The following LDAF1 variants were observed in gnomAD, a reference collection of about 807,000 sequenced individuals.
LDAF1 encodes the protein PROMETHIN.
A neutral mutation model predicts 13.5 loss-of-function variants in LDAF1; 7 were observed. That is an observed-to-expected ratio of 0.52 (90% CI 0.29 to 0.97). The LOEUF is 0.97. LDAF1 is among the 50% of genes least tolerant of loss of function. The probability of loss-of-function intolerance (pLI) is 0.07; values close to 1 mark genes in which losing one functional copy is unlikely to be tolerated. For synonymous variants in LDAF1, 69 were observed against 77.1 expected, an observed-to-expected ratio of 0.89 and a Z score of 0.55; for missense variants, 148 against 193.2, an observed-to-expected ratio of 0.77 and a Z score of 1.39.
chr16:21,178,410 A>C, intron 4 of LDAF1: 2 of 984,958 alleles, frequency 2.0e-6, no homozygotes, highest in Non-Finnish European at 2.4e-6. Context: ...ATCAGGGAGG[A>C]ATGGTTTAGG....
At chr16:21,169,769 T>G (rs1442997635) in intron 2 of LDAF1, among the ~76,000 whole-genome samples, 3 of 152,124 alleles carry the variant, frequency 2.0e-5, no homozygotes, top group Non-Finnish European at 4.4e-5. Flanking sequence ...CTCAAGAGTG[T>G]GTTTGGCAGG....
At chr16:21,167,364 T>C (rs1447132692) in intron 2 of LDAF1, among the ~76,000 whole-genome samples, 1 of 152,240 alleles carries the variant, frequency 6.6e-6, no homozygotes, top group African/African-American at 2.4e-5. Context: ...AAGGAGGTTC[T>C]GGAATAATGG....
At chr16:21,174,388 G>T (rs2093120986) in intron 4 of LDAF1, among the ~76,000 whole-genome samples, 1 of 151,186 alleles carries the variant, frequency 6.6e-6, no homozygotes, top group East Asian at 1.9e-4. Context: ...GTAGAGACAG[G>T]GTCTTGCTAT....
At chr16:21,169,747 C>A (rs567134268) in intron 2 of LDAF1, among the ~76,000 whole-genome samples, 1 of 152,054 alleles carries the variant, frequency 6.6e-6, no homozygotes, top group Non-Finnish European at 1.5e-5. Flanking sequence ...ACCTTTATGC[C>A]GAAGAGGTCT....
chr16:21,178,400 A>T, intron 4 of LDAF1: 1 of 985,196 alleles, frequency 1.0e-6, no homozygotes, highest in Non-Finnish European at 1.2e-6. Flanking sequence ...GTTTTTTGTT[A>T]TCAGGGAGGA....
At chr16:21,162,664 TTCTGGACTTGCTCCA>T (rs1328548011) in intron 2 of LDAF1, among the ~76,000 whole-genome samples, 2 of 152,218 alleles carry the variant, frequency 1.3e-5, no homozygotes, top group African/African-American at 4.8e-5. Flanking sequence ...CAACAATAAA[TTCTGGACTTGCTCCA>T]GAATTTATTT....
At position 21,161,150 on chromosome 16, in the gene LDAF1, T is replaced by C. The variant is rs373698888; in HGVS notation, c.-33T>C. 416 of 1,610,180 alleles carry C rather than the reference T, an allele frequency of 2.6e-4. 5 individuals carry two copies. The highest frequency in any genetic ancestry group is 2.5e-3 in the South Asian group (224 of 90,296). ...ACTGGAGAATTTACTGGTAGGATAA[T>C]TCATCCCTAAAGAGATTGAAGTGAG... On this transcript the variant is annotated 5_prime_UTR_variant, in exon 2 of 5. Transcript: ENST00000233047.
chr16:21,160,229 A>T (rs2092954381), intron 1 of LDAF1, among the ~76,000 whole-genome samples: 1 of 152,018 alleles, frequency 6.6e-6, no homozygotes, highest in South Asian at 2.1e-4. Flanking sequence ...CTCTGTGTCC[A>T]GCCAGTTCTG....
At chr16:21,159,224 G>A in intron 1 of LDAF1, 1 of 1,060,972 alleles carries the variant, frequency 9.4e-7, no homozygotes, top group African/African-American at 1.5e-5. Context: ...AGTATCAAAG[G>A]GGGCTTCTTT....
At chr16:21,159,569 G>T in intron 1 of LDAF1, 1 of 907,620 alleles carries the variant, frequency 1.1e-6, no homozygotes, top group Non-Finnish European at 1.7e-6. Context: ...GGGTTAGCTG[G>T]TGTTGGCCTG....
At position 21,179,464 on chromosome 16, in the gene LDAF1, T is replaced by A; in HGVS notation, c.405-11T>A. On this transcript the variant is annotated splice_polypyrimidine_tract_variant and intron_variant, in intron 4 of 4. Coordinates refer to ENST00000233047, the MANE Select transcript of LDAF1 (RefSeq NM_001301771.2). ...CCCTAGAGCTAACGATCTCTTCTTG[T>A]TATCCGACAGGCCACTGACACAGCA... The A allele has an allele frequency of 6.2e-7, 1 of 1,614,142 alleles. No homozygotes were observed. Among genetic ancestry groups the A allele is most frequent in the Non-Finnish European group, 8.5e-7 (1 of 1,180,008 alleles).
At chr16:21,172,919 C>A (rs963968248) in intron 3 of LDAF1, 1 of 787,904 alleles carries the variant, frequency 1.3e-6, no homozygotes, top group Non-Finnish European at 1.5e-6. Flanking sequence ...GGCTAACTGG[C>A]CACTCACAAA....
intron 3 of LDAF1, among the ~76,000 whole-genome samples, chr16:21,173,614 T>G (rs533948072): frequency 2.2e-4 from 34 of 152,008 alleles, no homozygotes; most frequent in Middle Eastern, 6.8e-3. Context: ...GTCAGGAGGC[T>G]GAAGCCGGGA....
Position 21,179,501 on chromosome 16 carries a change from G to T in LDAF1, c.431G>T (p.Cys144Phe). 2 of 1,614,148 alleles carry T rather than the reference G, an allele frequency of 1.2e-6. No homozygotes were observed. Reference sequence around the variant, plus strand: ...CCACTGACACAGCAAAACACCAGTTGTGACTTTCTGCCAGCCATGAAGTCT... The same window carrying T: ...CCACTGACACAGCAAAACACCAGTTTTGACTTTCTGCCAGCCATGAAGTCT... The part of the protein sequence containing the change: ...PRPLTQQNTS[C>F]DFLPAMKSAE... The change falls in exon 5 of 5, where the codon TGT becomes TTT. Residue 144 changes from cysteine to phenylalanine, a missense_variant. Cys to Phe is a radical substitution (Grantham distance 205). Transcript: ENST00000233047.
At chr16:21,173,932 T>C in intron 3 of LDAF1, 78 bp from the exon 4 acceptor site, 1 of 1,421,002 alleles carries the variant, frequency 7.0e-7, no homozygotes, top group Non-Finnish European at 9.5e-7. Flanking sequence ...GTTGTTATTT[T>C]AAACAGACTG....
intron 4 of LDAF1, chr16:21,178,157 ACCT>A (rs1310718061): frequency 2.1e-6 from 2 of 951,054 alleles, no homozygotes; most frequent in African/African-American, 3.5e-5. Context: ...AAATACACTG[ACCT>A]GCCTCCTATG....
chr16:21,174,225 T>C lies in LDAF1; in HGVS notation c.404+77T>C, dbSNP rs1366459226. 9 of 1,382,130 alleles carry C rather than the reference T, an allele frequency of 6.5e-6. No individual in the cohort carries two copies. The East Asian group carries it at 1.8e-4, about 27-fold the overall frequency. The allele number at this position is 1,382,130 out of a possible 1,614,324, so 85.6% of individuals were successfully genotyped here. On this transcript the variant is annotated intron_variant, in intron 4 of 4. Coordinates refer to ENST00000233047, the MANE Select transcript of LDAF1 (RefSeq NM_001301771.2). ...GTTTTTTTGAGACAAGGCCTCACTC[T>C]GTCACTCAGGCTGGAGTGCAGTGGC...
intron 3 of LDAF1, chr16:21,172,803 T>G (rs1880730321): frequency 2.0e-6 from 2 of 985,146 alleles, no homozygotes; most frequent in Non-Finnish European, 2.4e-6. Flanking sequence ...ATCTAAAATT[T>G]TGCGAATCTT....
At chr16:21,161,497 T>C (rs2092974199) in intron 2 of LDAF1, among the ~76,000 whole-genome samples, 1 of 151,994 alleles carries the variant, frequency 6.6e-6, no homozygotes, top group Non-Finnish European at 1.5e-5. Context: ...GGCAACAGGA[T>C]TTGAGGAGGG....
Sources: gnomAD v4.1 joint callset for allele counts (sites outside exome capture counted in the v4.1 genomes callset) on GRCh38, gnomAD v4.1.1 for gene constraint, MANE v1.5 for transcripts, NCBI Gene and HGNC (gene_info 2026-07-23, HGNC 2026-07-21) for gene names.